NFIL3: variants seen among roughly 807,000 people sequenced by gnomAD.
NFIL3 encodes the protein nuclear factor interleukin-3-regulated protein.
In NFIL3, 5 loss-of-function variants were observed where a neutral mutation model predicts 10.0. The observed-to-expected ratio is 0.50, with a 90% CI of 0.26 to 1.06. NFIL3 has a LOEUF of 1.06. Among genes scored for constraint, NFIL3 ranks in the 50% least tolerant of loss-of-function variants. The pLI is 0.13. For synonymous variants in NFIL3, 202 were observed against 206.5 expected, an observed-to-expected ratio of 0.98 and a Z score of 0.19; for missense variants, 436 against 547.6, an observed-to-expected ratio of 0.80 and a Z score of 2.03.
chr9:91,409,094 T>C lies in NFIL3; in HGVS notation c.*252A>G. 7.8e-6 allele frequency: 3 copies of C among 384,848 alleles called. No homozygotes were observed. The highest frequency in any genetic ancestry group is 1.5e-4 in the South Asian group (2 of 13,684). 23.8% of individuals were successfully genotyped at this position (384,848 alleles called of 1,614,324 possible). ...ATTGAAACTGGTAACTTACACACTT[T>C]ATAATAGAACAACAAAAATAATGTT... On this transcript the variant is annotated 3_prime_UTR_variant, in exon 2 of 2. Transcript: ENST00000297689.
chr9:91,442,011 A>G, the NFIL3 span, among the ~76,000 whole-genome samples: 1 of 152,172 alleles, frequency 6.6e-6, no homozygotes, highest in African/African-American at 2.4e-5. Flanking sequence ...AGTACTAGTG[A>G]GTTTTATACT....
chr9:91,452,145 C>T, the NFIL3 span, among the ~76,000 whole-genome samples: 1 of 152,134 alleles, frequency 6.6e-6, no homozygotes, highest in Non-Finnish European at 1.5e-5. Context: ...TCAGGAAAAG[C>T]TGACCAGCAT....
At chr9:91,474,731 T>C in the NFIL3 span, among the ~76,000 whole-genome samples, 1 of 152,132 alleles carries the variant, frequency 6.6e-6, no homozygotes, top group East Asian at 1.9e-4. Context: ...AAAGATGAGA[T>C]AAACGACTTG....
At chr9:91,464,107 C>CT in the NFIL3 span, among the ~76,000 whole-genome samples, 1 of 151,924 alleles carries the variant, frequency 6.6e-6, no homozygotes, top group Non-Finnish European at 1.5e-5. Flanking sequence ...AAATTTCTGT[C>CT]TTTTTATTGG....
intron 1 of NFIL3, among the ~76,000 whole-genome samples, chr9:91,417,006 CA>C (rs1023960696): frequency 7.8e-4 from 119 of 152,230 alleles, no homozygotes; most frequent in Non-Finnish European, 1.4e-3. Flanking sequence ...CCAAGCTCCA[CA>C]AAAGAAAAGA....
the NFIL3 span, among the ~76,000 whole-genome samples, chr9:91,478,888 T>C: frequency 1.3e-5 from 2 of 152,324 alleles, no homozygotes; most frequent in African/African-American, 4.8e-5. Flanking sequence ...GTTTTCCTTC[T>C]AACAATCAGG....
chr9:91,479,114 C>T, the NFIL3 span, among the ~76,000 whole-genome samples: 2 of 152,224 alleles, frequency 1.3e-5, no homozygotes, highest in Non-Finnish European at 2.9e-5. Flanking sequence ...AGTTAGGAGG[C>T]ACAGGGGTCA....
chr9:91,451,835 G>A, the NFIL3 span, among the ~76,000 whole-genome samples: 25 of 152,286 alleles, frequency 1.6e-4, 1 homozygote, highest in African/African-American at 5.8e-4. Context: ...CATGAGTAAG[G>A]AAGTCCTTTG....
chr9:91,438,677 C>T, the NFIL3 span, among the ~76,000 whole-genome samples: 2 of 152,024 alleles, frequency 1.3e-5, no homozygotes, highest in South Asian at 2.1e-4. Flanking sequence ...TTTTGAGTTG[C>T]TTTTTGTGCA....
chr9:91,429,773 G>A, the NFIL3 span, among the ~76,000 whole-genome samples: 5 of 151,984 alleles, frequency 3.3e-5, no homozygotes, highest in African/African-American at 1.2e-4. Flanking sequence ...TTGTGAGTCC[G>A]CATACTGGCA....
At chr9:91,476,240 A>G in the NFIL3 span, among the ~76,000 whole-genome samples, 1 of 152,224 alleles carries the variant, frequency 6.6e-6, no homozygotes, top group African/African-American at 2.4e-5. Context: ...TAAACATCCT[A>G]TGTAAAATGA....
the NFIL3 span, among the ~76,000 whole-genome samples, chr9:91,463,635 C>T: frequency 6.6e-6 from 1 of 151,758 alleles, no homozygotes; most frequent in African/African-American, 2.4e-5. Flanking sequence ...GTGCATTCTG[C>T]TGCTGTTGGG....
chr9:91,478,336 C>T, the NFIL3 span, among the ~76,000 whole-genome samples: 1 of 151,994 alleles, frequency 6.6e-6, no homozygotes. Context: ...TTCTTGGAGG[C>T]TTTGTTCATT....
intron 1 of NFIL3, among the ~76,000 whole-genome samples, chr9:91,414,551 G>A (rs1833616595): frequency 1.3e-5 from 2 of 152,156 alleles, no homozygotes; most frequent in Non-Finnish European, 2.9e-5. Context: ...GAGCCACCTC[G>A]CCAGGCCACC....
At chr9:91,435,377 C>T in the NFIL3 span, among the ~76,000 whole-genome samples, 1 of 152,192 alleles carries the variant, frequency 6.6e-6, no homozygotes, top group Admixed American at 6.5e-5. Context: ...CCTCACCTCT[C>T]TTTCACCATC....
the NFIL3 span, among the ~76,000 whole-genome samples, chr9:91,460,813 G>A: frequency 6.6e-6 from 1 of 152,114 alleles, no homozygotes; most frequent in Non-Finnish European, 1.5e-5. Flanking sequence ...TGGCATATGG[G>A]GTAAGTGCAT....
At chr9:91,416,106 A>G (rs1022970357) in intron 1 of NFIL3, among the ~76,000 whole-genome samples, 2 of 152,114 alleles carry the variant, frequency 1.3e-5, no homozygotes, top group Non-Finnish European at 2.9e-5. Flanking sequence ...ATTATGTTAA[A>G]TAGAGAAAAA....
the NFIL3 span, among the ~76,000 whole-genome samples, chr9:91,435,611 G>C: frequency 6.6e-6 from 1 of 152,138 alleles, no homozygotes; most frequent in Non-Finnish European, 1.5e-5. Flanking sequence ...ATCTGCCTGC[G>C]CCTGAAACTG....
the NFIL3 span, among the ~76,000 whole-genome samples, chr9:91,435,082 A>G: frequency 6.6e-6 from 1 of 152,140 alleles, no homozygotes; most frequent in African/African-American, 2.4e-5. Context: ...CAAAGTACCT[A>G]ATAACTGAAT....
Sources: allele counts gnomAD v4.1 joint callset (sites outside exome capture counted in the v4.1 genomes callset), GRCh38; gene constraint gnomAD v4.1.1; transcripts MANE v1.5; gene names NCBI Gene and HGNC (gene_info 2026-07-23, HGNC 2026-07-21).